OSBPL10: variants seen among roughly 807,000 people sequenced by gnomAD.
OSBPL10 encodes the protein oxysterol binding protein like 10, also known as oxysterol-binding protein-related protein 10.
A neutral mutation model predicts 81.7 loss-of-function variants in OSBPL10; 49 were observed. That is an observed-to-expected ratio of 0.60 (90% CI 0.48 to 0.76). OSBPL10 has a LOEUF of 0.76. OSBPL10 is among the 30% of genes least tolerant of loss of function. OSBPL10 has a pLI of 0.00. For missense variants in OSBPL10, 923 were observed against 987.8 expected (o/e 0.93, Z 0.88); for synonymous variants, 419 against 383.6 (o/e 1.09, Z -1.08).
chr3:31,703,030 A>C (rs1374657800), intron 6 of OSBPL10, among the ~76,000 whole-genome samples: 1 of 152,236 alleles, frequency 6.6e-6, no homozygotes, highest in Non-Finnish European at 1.5e-5. Context: ...AATGCTGAGA[A>C]TTGGCATTAA....
intron 8 of OSBPL10, among the ~76,000 whole-genome samples, chr3:31,672,360 GC>G (rs1328457585): frequency 1.1e-5 from 1 of 93,874 alleles, no homozygotes; most frequent in East Asian, 9.3e-4. Flanking sequence ...ATTTGCGGGG[GC>G]GGGGGGGGGG....
intron 6 of OSBPL10, chr3:31,703,831 G>C (rs905902591): frequency 2.6e-5 from 4 of 152,310 alleles, no homozygotes; most frequent in African/African-American, 9.6e-5. Flanking sequence ...GCCAAAAGCT[G>C]AGTTTTCTTT....
chr3:31,901,175 C>A (rs1029287170), intron 1 of OSBPL10, among the ~76,000 whole-genome samples: 4 of 152,226 alleles, frequency 2.6e-5, no homozygotes, highest in African/African-American at 9.6e-5. Flanking sequence ...GATCTCCCCA[C>A]ATCCATTCTC....
At chr3:31,712,156 C>A (rs1231520292) in intron 6 of OSBPL10, among the ~76,000 whole-genome samples, 2 of 152,210 alleles carry the variant, frequency 1.3e-5, no homozygotes, top group Non-Finnish European at 1.5e-5. Flanking sequence ...GACTCATTCC[C>A]TTGGAGAGCC....
chr3:31,976,615 G>A (rs1375354943), intron 1 of OSBPL10, among the ~76,000 whole-genome samples: 1 of 152,088 alleles, frequency 6.6e-6, no homozygotes, highest in Non-Finnish European at 1.5e-5. Context: ...ACCACCACTG[G>A]CTAATTTTTA....
intron 1 of OSBPL10, among the ~76,000 whole-genome samples, chr3:32,068,913 T>C (rs147705888): frequency 0.025 from 3,767 of 151,980 alleles, 169 homozygotes; most frequent in African/African-American, 0.086. Flanking sequence ...TCGCTCCCCG[T>C]CAGGCTGAAT....
chr3:31,788,962 T>TC (rs376321581), intron 4 of OSBPL10, among the ~76,000 whole-genome samples: 1 of 144,886 alleles, frequency 6.9e-6, no homozygotes, highest in African/African-American at 2.5e-5. Context: ...TGTTTCTTTC[T>TC]TTTTTTTTTT....
intron 4 of OSBPL10, among the ~76,000 whole-genome samples, chr3:31,792,317 G>T (rs2125425955): frequency 6.6e-6 from 1 of 152,248 alleles, no homozygotes; most frequent in South Asian, 2.1e-4. Flanking sequence ...GACATTACGT[G>T]TAACTTTCAA....
chr3:31,701,607 T>G (rs1024045092), intron 7 of OSBPL10: 14 of 152,120 alleles, frequency 9.2e-5, no homozygotes, highest in Non-Finnish European at 1.9e-4. Context: ...CCAGGCTCTT[T>G]CTACCACCTG....
At chr3:31,968,541 C>CT (rs1330877821) in intron 1 of OSBPL10, among the ~76,000 whole-genome samples, 1 of 150,534 alleles carries the variant, frequency 6.6e-6, no homozygotes, top group Non-Finnish European at 1.5e-5. Context: ...TTTACCCAGA[C>CT]TTAAACTTGA....
At chr3:31,807,344 G>C (rs990114956) in intron 4 of OSBPL10, among the ~76,000 whole-genome samples, 2 of 151,570 alleles carry the variant, frequency 1.3e-5, no homozygotes, top group African/African-American at 4.9e-5. Flanking sequence ...CTACACTCCA[G>C]CCTGGGCGAC....
intron 1 of OSBPL10, among the ~76,000 whole-genome samples, chr3:31,900,051 G>A (rs1476007077): frequency 2.0e-5 from 3 of 148,266 alleles, no homozygotes; most frequent in East Asian, 2.0e-4. Flanking sequence ...TTTAAGACAG[G>A]GTCTGGCTCT....
chr3:31,896,933 T>A (rs570612810), intron 1 of OSBPL10, among the ~76,000 whole-genome samples: 23 of 152,260 alleles, frequency 1.5e-4, no homozygotes, highest in Non-Finnish European at 2.8e-4. Context: ...TCATCTCATC[T>A]AGGGAGGACA....
intron 3 of OSBPL10, among the ~76,000 whole-genome samples, chr3:31,834,079 C>T (rs1700315644): frequency 1.3e-5 from 2 of 152,148 alleles, no homozygotes; most frequent in Admixed American, 1.3e-4. Context: ...GGTAATCAGT[C>T]ATTACAAGAA....
At chr3:31,689,939 G>A (rs1237541282) in intron 7 of OSBPL10, among the ~76,000 whole-genome samples, 4 of 152,198 alleles carry the variant, frequency 2.6e-5, no homozygotes, top group Non-Finnish European at 5.9e-5. Context: ...GTTCTGGAGG[G>A]AAACAGCTTG....
chr3:32,014,195 A>C (rs1223108442), intron 2 of OSBPL10, among the ~76,000 whole-genome samples: 1 of 152,242 alleles, frequency 6.6e-6, no homozygotes, highest in Non-Finnish European at 1.5e-5. Context: ...AAAAATCCTC[A>C]ATAAAATACT....
At chr3:31,859,665 T>C (rs1701012813) in intron 3 of OSBPL10, among the ~76,000 whole-genome samples, 1 of 152,184 alleles carries the variant, frequency 6.6e-6, no homozygotes, top group African/African-American at 2.4e-5. Context: ...TCCCTCAATC[T>C]TGGACTTCCA....
intron 1 of OSBPL10, among the ~76,000 whole-genome samples, chr3:32,066,019 AAGAAAGAG>A (rs200041395): frequency 0.12 from 9,876 of 79,970 alleles, 3,933 homozygotes; most frequent in East Asian, 0.58. Context: ...GAAAGAAAGA[AAGAAAGAG>A]AGAGAGAGAG....
intron 11 of OSBPL10, chr3:31,663,562 C>T: frequency 3.0e-6 from 3 of 1,004,874 alleles, no homozygotes; most frequent in Non-Finnish European, 3.6e-6. Context: ...GTGACAGCAA[C>T]AGCATTTTAG....
Sources: allele counts gnomAD v4.1 joint callset (sites outside exome capture counted in the v4.1 genomes callset), GRCh38; gene constraint gnomAD v4.1.1; transcripts MANE v1.5; gene names NCBI Gene and HGNC (gene_info 2026-07-23, HGNC 2026-07-21).